CCDC3: variants seen among roughly 807,000 people sequenced by gnomAD.
The protein encoded by CCDC3 is coiled-coil domain containing 3.
Under a neutral mutation model 21.4 loss-of-function variants are expected in CCDC3, and 24 were observed. The ratio of observed to expected loss-of-function variants is 1.12; its 90% CI spans 0.81 to 1.58. The LOEUF is 1.58. Among genes scored for constraint, CCDC3 ranks in the 40% most tolerant of loss-of-function variants. CCDC3 has a pLI of 0.00. For synonymous variants in CCDC3, 186 were observed against 166.0 expected, an observed-to-expected ratio of 1.12 and a Z score of -0.93; for missense variants, 425 against 360.9, an observed-to-expected ratio of 1.18 and a Z score of -1.44.
chr10:12,934,791 G>A (rs1401928919), intron 2 of CCDC3, among the ~76,000 whole-genome samples: 3 of 151,738 alleles, frequency 2.0e-5, no homozygotes, highest in East Asian at 1.9e-4. Context: ...GACATGGTAT[G>A]GCTTTCTGCG....
rs555925696 is a variant in CCDC3, at chr10:13,034,773, C to T, written c.-2+14901G>A. 1.5e-4 allele frequency among the ~76,000 whole-genome samples: 23 copies of T among 152,024 alleles called. No individual in the cohort carries two copies. The East Asian group carries it at 3.9e-3, about 26-fold the overall frequency. ...GGTGCGGTGGCTCACGCCTGTAATC[C>T]CAGCACTTTGGGCGGCCAAAGTGGG... On this transcript the variant is annotated intron_variant, in intron 5 of 6. Transcript: ENST00000378839.
intron 2 of CCDC3, among the ~76,000 whole-genome samples, chr10:12,910,943 C>T (rs773720760): frequency 5.8e-4 from 89 of 152,210 alleles, no homozygotes; most frequent in Non-Finnish European, 1.1e-3. Flanking sequence ...GAATCCTCCC[C>T]AGTGCATAGT....
At chr10:13,095,686 C>T (rs772631462) in intron 3 of CCDC3, among the ~76,000 whole-genome samples, 21 of 152,290 alleles carry the variant, frequency 1.4e-4, no homozygotes, top group African/African-American at 3.4e-4. Flanking sequence ...GTTCACCACC[C>T]GGGGTTTGGG....
At chr10:13,058,869 T>C (rs1004532128) in intron 4 of CCDC3, among the ~76,000 whole-genome samples, 6 of 152,206 alleles carry the variant, frequency 3.9e-5, no homozygotes, top group African/African-American at 1.4e-4. Context: ...AGCTAATTAA[T>C]AGCCATTATC....
chr10:13,093,026 CTT>C (rs143190092), intron 3 of CCDC3, among the ~76,000 whole-genome samples: 14,575 of 128,528 alleles, frequency 0.11, 721 homozygotes, highest in Non-Finnish European at 0.15. Flanking sequence ...AACCCCTCAC[CTT>C]TTTTTTTTTT....
At chr10:12,927,620 T>C (rs1242283863) in intron 2 of CCDC3, among the ~76,000 whole-genome samples, 1 of 152,200 alleles carries the variant, frequency 6.6e-6, no homozygotes, top group Non-Finnish European at 1.5e-5. Context: ...ACATCTCTTC[T>C]AGAAATGATA....
At chr10:13,015,414 T>C (rs189196030) in intron 5 of CCDC3, among the ~76,000 whole-genome samples, 5 of 152,170 alleles carry the variant, frequency 3.3e-5, no homozygotes, top group South Asian at 2.1e-4. Flanking sequence ...GCTCTTGCCA[T>C]AGCACTACCC....
intron 5 of CCDC3, among the ~76,000 whole-genome samples, chr10:13,010,298 A>G: frequency 6.6e-6 from 1 of 152,146 alleles, no homozygotes; most frequent in Non-Finnish European, 1.5e-5. Flanking sequence ...CAAACAACCC[A>G]ATATAAAAAA....
chr10:13,070,630 C>T (rs531730373), intron 4 of CCDC3, among the ~76,000 whole-genome samples: 16 of 152,216 alleles, frequency 1.1e-4, no homozygotes, highest in South Asian at 2.1e-4. Flanking sequence ...CCCAACTCAT[C>T]GGTATTTGAG....
intron 2 of CCDC3, among the ~76,000 whole-genome samples, chr10:12,956,226 T>G (rs1835083433): frequency 6.6e-6 from 1 of 152,184 alleles, no homozygotes. Context: ...CAAGAAGAAA[T>G]GAAAAGTTTC....
In CCDC3 at chr10:13,092,911, G is replaced by T. The variant is rs79990685; in HGVS notation, c.-503+5614C>A. ...AACTCTGCCCGCAAAGCCGAAAAGGGTCAAGGCAACCTGGTGAGAGAAATG... is the reference window on the plus strand; with the variant it reads ...AACTCTGCCCGCAAAGCCGAAAAGGTTCAAGGCAACCTGGTGAGAGAAATG... On this transcript the variant is annotated intron_variant, in intron 3 of 6. Transcript: ENST00000378839. Among the ~76,000 whole-genome samples the T allele has an allele frequency of 1.9e-3, 287 of 152,264 alleles. 2 individuals carry two copies. The highest frequency in any genetic ancestry group is 6.8e-3 in the African/African-American group (284 of 41,546).
intron 2 of CCDC3, among the ~76,000 whole-genome samples, chr10:12,951,473 T>G (rs980223187): frequency 1.3e-5 from 2 of 152,132 alleles, no homozygotes; most frequent in Non-Finnish European, 2.9e-5. Flanking sequence ...TACCAGCATC[T>G]GTAAATAAAG....
chr10:13,008,716 AAT>A (rs1835951808), intron 5 of CCDC3, among the ~76,000 whole-genome samples: 1 of 152,252 alleles, frequency 6.6e-6, no homozygotes, highest in African/African-American at 2.4e-5. Context: ...AAGTCTTAGA[AAT>A]ATATGTTATA....
intron 4 of CCDC3, chr10:13,058,617 A>G (rs1237506123): frequency 4.9e-6 from 3 of 614,328 alleles, no homozygotes; most frequent in African/African-American, 1.8e-5. Context: ...GTCGTCTTCT[A>G]AACGTCACTT....
rs572935419 is a variant in CCDC3 at position 12,941,361 on chromosome 10, G to A, written c.550-42682C>T. 4.0e-5 allele frequency among the ~76,000 whole-genome samples: 6 copies of A among 151,218 alleles called. No individual in the cohort carries two copies. In the East Asian group the frequency reaches 1.2e-3, roughly 31 times the overall value. On this transcript the variant is annotated intron_variant, in intron 2 of 2. Coordinates refer to ENST00000378825, the MANE Select transcript of CCDC3 (RefSeq NM_031455.4). The stretch of plus-strand genomic sequence containing the variant: ...AACCAGCAGCTCCCAGGGCTGCTCT[G>A]TCTATGGAGAAGCCATTCTTTTATT...
chr10:13,026,049 C>T (rs1426304218), intron 5 of CCDC3, among the ~76,000 whole-genome samples: 1 of 151,964 alleles, frequency 6.6e-6, no homozygotes, highest in Non-Finnish European at 1.5e-5. Flanking sequence ...GGCTTGGTGG[C>T]GTGTGCCTGT....
chr10:12,938,049 C>A (rs1834767649), intron 2 of CCDC3, among the ~76,000 whole-genome samples: 1 of 152,194 alleles, frequency 6.6e-6, no homozygotes, highest in African/African-American at 2.4e-5. Flanking sequence ...ACATCTTCAA[C>A]CCACATGGAA....
chr10:13,038,505 C>T (rs1201553126), intron 5 of CCDC3, among the ~76,000 whole-genome samples: 6 of 152,000 alleles, frequency 3.9e-5, no homozygotes, highest in Admixed American at 6.6e-5. Flanking sequence ...AGAAAACAGA[C>T]CAGTATTTAT....
At chr10:12,991,046 T>G (rs1296502538) in intron 2 of CCDC3, among the ~76,000 whole-genome samples, 1 of 152,240 alleles carries the variant, frequency 6.6e-6, no homozygotes, top group Non-Finnish European at 1.5e-5. Context: ...AATGAGTATC[T>G]TTGTTTTTGA....
Sources: gnomAD v4.1 joint callset for allele counts (sites outside exome capture counted in the v4.1 genomes callset) on GRCh38, gnomAD v4.1.1 for gene constraint, MANE v1.5 for transcripts, NCBI Gene and HGNC (gene_info 2026-07-23, HGNC 2026-07-21) for gene names.